Variants in SEM1 observed in about 807,000 individuals in gnomAD.
SEM1 encodes SEM1 26S proteasome subunit.
A neutral mutation model predicts 12.7 loss-of-function variants in SEM1; 3 were observed. The ratio of observed to expected loss-of-function variants is 0.24; its 90% CI spans 0.11 to 0.61. The LOEUF is 0.61. Ranked by LOEUF, SEM1 falls within the 20% of genes least tolerant of loss-of-function variation. The pLI, the probability that SEM1 is intolerant of heterozygous loss-of-function variation, is 0.88. For synonymous variants in SEM1, 30 were observed against 27.8 expected (o/e 1.08, Z -0.25); for missense variants, 59 against 81.3 (o/e 0.73, Z 1.06).
intron 1 of SEM1, among the ~76,000 whole-genome samples, chr7:96,701,288 T>C (rs927043135): frequency 1.3e-5 from 2 of 151,172 alleles, no homozygotes; most frequent in Admixed American, 1.3e-4. Flanking sequence ...TCATCCTCAA[T>C]ATGATGGTAT....
intron 2 of SEM1, among the ~76,000 whole-genome samples, chr7:96,636,158 T>C (rs1167065958): frequency 3.3e-5 from 5 of 152,002 alleles, no homozygotes; most frequent in Non-Finnish European, 5.9e-5. Flanking sequence ...GTTCCTACCA[T>C]CTGGAAAGGT....
chr7:96,551,931 T>C (rs1805291078), intron 2 of SEM1, among the ~76,000 whole-genome samples: 1 of 152,168 alleles, frequency 6.6e-6, no homozygotes, highest in Non-Finnish European at 1.5e-5. Flanking sequence ...AGCTGTGTGA[T>C]AGACTATATT....
At chr7:96,702,695 C>A (rs1465976278) in intron 1 of SEM1, among the ~76,000 whole-genome samples, 2 of 152,196 alleles carry the variant, frequency 1.3e-5, no homozygotes, top group East Asian at 3.8e-4. Context: ...TCCCCCAAAA[C>A]TGCCTATTAG....
At chr7:96,521,620 C>T (rs919652680) in intron 2 of SEM1, among the ~76,000 whole-genome samples, 8 of 152,098 alleles carry the variant, frequency 5.3e-5, no homozygotes, top group Non-Finnish European at 1.0e-4. Context: ...GTCACAACTG[C>T]GTAATGGGGC....
At chr7:96,557,771 C>T (rs920675488) in intron 2 of SEM1, among the ~76,000 whole-genome samples, 32 of 151,860 alleles carry the variant, frequency 2.1e-4, no homozygotes, top group Middle Eastern at 6.8e-3. Flanking sequence ...TAGGCAATGG[C>T]GGGCGCCCTT....
At chr7:96,499,882 A>G (rs971701090), upstream of SEM1, among the ~76,000 whole-genome samples, 1 of 152,192 alleles carries the variant, frequency 6.6e-6, no homozygotes, top group African/African-American at 2.4e-5. Flanking sequence ...ACATAGATCA[A>G]GTAGAATAAA....
In SEM1 at chr7:96,566,053, C is replaced by T. The variant is rs114552944; in HGVS notation, c.171-59355G>A. On this transcript the variant is annotated intron_variant and NMD_transcript_variant, in intron 2 of 3. Transcript: ENST00000466986. ...GTCCTAGGCTTTAATGAAACATCTG[C>T]AGTTTGTTGTGTGACATTAATTAAT... Among the ~76,000 whole-genome samples the T allele has an allele frequency of 9.3e-4, 141 of 151,878 alleles. 1 individual carries two copies. The highest frequency in any genetic ancestry group is 3.3e-3 in the African/African-American group (137 of 41,526).
chr7:96,505,869 G>A (rs1010514498), intron 3 of SEM1, among the ~76,000 whole-genome samples: 7 of 151,938 alleles, frequency 4.6e-5, no homozygotes, highest in African/African-American at 1.7e-4. Context: ...AATTCTAGGG[G>A]GACACAAACA....
chr7:96,541,216 A>G (rs1804935129), intron 2 of SEM1, among the ~76,000 whole-genome samples: 1 of 151,900 alleles, frequency 6.6e-6, no homozygotes, highest in Non-Finnish European at 1.5e-5. Flanking sequence ...AATAGTATAT[A>G]AGCATTTCAT....
intron 2 of SEM1, among the ~76,000 whole-genome samples, chr7:96,586,122 A>G (rs1316560488): frequency 1.3e-5 from 2 of 152,186 alleles, no homozygotes; most frequent in South Asian, 2.1e-4. Context: ...TACAGGAATG[A>G]GCCACCATGT....
At chr7:96,581,900 A>C (rs1172465700) in intron 2 of SEM1, among the ~76,000 whole-genome samples, 1 of 152,150 alleles carries the variant, frequency 6.6e-6, no homozygotes, top group Non-Finnish European at 1.5e-5. Context: ...CTAGATACAC[A>C]ATCGTGTCAT....
At chr7:96,603,306 A>C (rs1807247334) in intron 2 of SEM1, among the ~76,000 whole-genome samples, 1 of 152,212 alleles carries the variant, frequency 6.6e-6, no homozygotes, top group Non-Finnish European at 1.5e-5. Context: ...AAACACACTG[A>C]GTATACTTAC....
At chr7:96,658,839 T>C (rs1809271592) in intron 2 of SEM1, among the ~76,000 whole-genome samples, 1 of 152,188 alleles carries the variant, frequency 6.6e-6, no homozygotes, top group Non-Finnish European at 1.5e-5. Context: ...CAAAAAGGAA[T>C]CCAGTTAGTG....
At chr7:96,499,593 G>A (rs1034282570), upstream of SEM1, among the ~76,000 whole-genome samples, 4 of 152,122 alleles carry the variant, frequency 2.6e-5, no homozygotes, top group African/African-American at 9.7e-5. Context: ...GTTAAAGATG[G>A]AACTACTAAG....
At chr7:96,634,306 G>C (rs1808360435) in intron 2 of SEM1, among the ~76,000 whole-genome samples, 1 of 152,066 alleles carries the variant, frequency 6.6e-6, no homozygotes, top group Non-Finnish European at 1.5e-5. Context: ...TTGAGATGGA[G>C]TCTTCTATTT....
At chr7:96,536,803 A>G (rs1417130313) in intron 2 of SEM1, among the ~76,000 whole-genome samples, 1 of 151,414 alleles carries the variant, frequency 6.6e-6, no homozygotes, top group African/African-American at 2.4e-5. Context: ...CCTATTTTTT[A>G]CTTTATATTT....
At chr7:96,613,114 C>G (rs1194813991) in intron 2 of SEM1, among the ~76,000 whole-genome samples, 1 of 152,160 alleles carries the variant, frequency 6.6e-6, no homozygotes, top group Non-Finnish European at 1.5e-5. Flanking sequence ...ATTGTCTAGA[C>G]TCTAGAGGAG....
chr7:96,689,107 C>A, intron 2 of SEM1, 141 bp from the exon 3 acceptor site: 1 of 499,204 alleles, frequency 2.0e-6, no homozygotes, highest in Non-Finnish European at 3.5e-6. Context: ...ACTTTTGTCT[C>A]TGAAAAAAAA....
intron 2 of SEM1, among the ~76,000 whole-genome samples, chr7:96,632,899 C>T (rs1808316396): frequency 6.6e-6 from 1 of 151,014 alleles, no homozygotes; most frequent in Admixed American, 6.6e-5. Context: ...CAATCCTGTA[C>T]CTTGAATTTT....
Sources: allele counts gnomAD v4.1 joint callset (sites outside exome capture counted in the v4.1 genomes callset), GRCh38; gene constraint gnomAD v4.1.1; transcripts MANE v1.5; gene names NCBI Gene and HGNC (gene_info 2026-07-23, HGNC 2026-07-21).